The following KCNQ4 variants were observed in gnomAD, a reference collection of about 807,000 sequenced individuals.
KCNQ4 encodes potassium voltage-gated channel subfamily KQT member 4.
Under a neutral mutation model 72.6 loss-of-function variants are expected in KCNQ4, and 31 were observed. The ratio of observed to expected loss-of-function variants is 0.43; its 90% CI spans 0.32 to 0.58. The LOEUF (loss-of-function observed/expected upper bound fraction) is 0.58. KCNQ4 is among the 20% of genes least tolerant of loss of function. The pLI is 0.08. For missense variants in KCNQ4, 869 were observed against 962.6 expected, an observed-to-expected ratio of 0.90 and a Z score of 1.29; for synonymous variants, 405 against 403.7, an observed-to-expected ratio of 1.00 and a Z score of -0.04.
rs76172897 is a variant in KCNQ4, at chr1:40,794,727, T to C, written c.314+10320T>C. Among the ~76,000 whole-genome samples, 559 of 152,324 alleles carry C rather than the reference T, an allele frequency of 3.7e-3. 13 individuals are homozygous for C. In the East Asian group the frequency reaches 0.06, roughly 16 times the overall value. ...GAAATGATGGGCTGGGAAAAAAATGTCCTTGCTTGGCAAAATAAAAAGTTG... is the reference window on the plus strand; with the variant it reads ...GAAATGATGGGCTGGGAAAAAAATGCCCTTGCTTGGCAAAATAAAAAGTTG... On this transcript the variant is annotated intron_variant, in intron 1 of 13. Transcript: ENST00000347132. The surrounding 1 kb of genome is among the most constrained non-coding windows in gnomAD (Gnocchi z 4.2).
At chr1:40,831,391 G>A in intron 10 of KCNQ4, 87 bp downstream of exon 10, 2 of 1,132,974 alleles carry the variant, frequency 1.8e-6, no homozygotes, top group Non-Finnish European at 2.6e-6. Flanking sequence ...GAAAGATCTG[G>A]CTCGCGTCTC....
Position 40,839,560 on chromosome 1 carries a change from A to AC in KCNQ4, c.*1042dup, listed in dbSNP as rs1285901938. On this transcript the variant is annotated 3_prime_UTR_variant, in exon 14 of 14. Transcript: ENST00000347132. ...CAGGGTGACGACCACTAAGAGGAAG[A>AC]CCCCCAACTCCATCTGAGCAGGAGA... is the stretch of plus-strand genomic sequence containing the variant. The AC allele has an allele frequency of 6.6e-6, 1 of 151,990 alleles. No individual in the cohort carries two copies. Among genetic ancestry groups the AC allele is most frequent in the African/African-American group, 2.4e-5 (1 of 41,334 alleles). 9.4% of individuals were successfully genotyped at this position (151,990 alleles called of 1,614,324 possible).
intron 5 of KCNQ4, 89 bp downstream of exon 5, chr1:40,819,561 G>A: frequency 6.4e-7 from 1 of 1,550,744 alleles, no homozygotes; most frequent in East Asian, 2.2e-5. Flanking sequence ...TCCTGACTCA[G>A]GGTTGAGCGG....
In KCNQ4 at chr1:40,838,951, C is replaced by T. The variant is rs911748529; in HGVS notation, c.*428C>T. 7 of 273,684 alleles carry T rather than the reference C, an allele frequency of 2.6e-5. No homozygotes were observed. The highest frequency in any genetic ancestry group is 4.4e-5 in the African/African-American group (2 of 45,778). The allele number at this position is 273,684 out of a possible 1,614,324, so 17.0% of individuals were successfully genotyped here. A position where few individuals can be genotyped will look rare whatever the true frequency, so the allele number is the denominator to read the frequency against. On this transcript the variant is annotated 3_prime_UTR_variant, in exon 14 of 14. Transcript: ENST00000347132. ...CAGGGAAGCCCTCCCGCCAAGTCCC[C>T]GCCCCACTTGGGGGTGGGCCAAGGT...
At position 40,809,031 on chromosome 1, in the gene KCNQ4, C is replaced by A. The variant is rs1054590617; in HGVS notation, c.315-8234C>A. On this transcript the variant is annotated intron_variant, in intron 1 of 13. Transcript: ENST00000347132. ...GAGAAGGCTGCCCTTGCCAAGGGAC[C>A]CAGTGACCAATGTGTCACCAAATCC... is the stretch of plus-strand genomic sequence containing the variant. 1.5e-4 allele frequency among the ~76,000 whole-genome samples: 23 copies of A among 152,236 alleles called. No homozygotes were observed. The South Asian group carries it at 4.6e-3, about 30-fold the overall frequency.
intron 9 of KCNQ4, among the ~76,000 whole-genome samples, 161 bp from the exon 10 acceptor site, chr1:40,830,923 G>A (rs1215663324): frequency 2.0e-5 from 3 of 152,054 alleles, no homozygotes; most frequent in African/African-American, 7.2e-5. Context: ...AGGAGTGAGG[G>A]CCTCCCTTAC....
intron 1 of KCNQ4, among the ~76,000 whole-genome samples, chr1:40,809,341 A>C (rs1647857248): frequency 6.6e-6 from 1 of 152,122 alleles, no homozygotes; most frequent in Admixed American, 6.5e-5. Context: ...GATGTCCCCC[A>C]GATCTGCATT....
rs377755240 is a variant in KCNQ4 at position 40,820,157 on chromosome 1, C to T, written c.946-8C>T. ...GCACATTCCCCCAACCATGCCCTAT[C>T]CCTCTAGGGCATCCTAGGCTCCGGC... On this transcript the variant is annotated splice_region_variant and splice_polypyrimidine_tract_variant and intron_variant, in intron 6 of 13. Transcript: ENST00000347132. The T allele has an allele frequency of 7.2e-5, 115 of 1,597,556 alleles. No individual in the cohort carries two copies. Among genetic ancestry groups the T allele is most frequent in the Non-Finnish European group, 9.3e-5 (109 of 1,169,340 alleles).
chr1:40,784,823 G>A lies in KCNQ4; in HGVS notation c.314+416G>A, dbSNP rs956820012. Among the ~76,000 whole-genome samples the A allele has an allele frequency of 6.6e-6, 1 of 152,132 alleles. No individual in the cohort carries two copies. The highest frequency in any genetic ancestry group is 1.5e-5 in the Non-Finnish European group (1 of 68,028). The stretch of plus-strand genomic sequence containing the variant: ...AAAGAGGAACCCTTGGCTCCCACAC[G>A]CTTCTGTCACCTGCTCCCCAGCTCT... On this transcript the variant is annotated intron_variant, in intron 1 of 13. Coordinates refer to ENST00000347132, the MANE Select transcript of KCNQ4 (RefSeq NM_004700.4). This position sits in a 1 kb window ranked among gnomAD's most constrained non-coding sequence, Gnocchi z 4.1.
intron 1 of KCNQ4, among the ~76,000 whole-genome samples, chr1:40,790,771 T>C (rs1647265572): frequency 6.6e-6 from 1 of 152,322 alleles, no homozygotes; most frequent in African/African-American, 2.4e-5. Context: ...ACCATGCCTG[T>C]ACCCTGCCTG....
chr1:40,822,940 TG>T (rs1558019573), intron 8 of KCNQ4, among the ~76,000 whole-genome samples: 4 of 152,120 alleles, frequency 2.6e-5, no homozygotes, highest in Non-Finnish European at 4.4e-5. Flanking sequence ...TAAGACTGCA[TG>T]GGGGTGGCAC....
At chr1:40,789,123 C>T (rs1647234684) in intron 1 of KCNQ4, among the ~76,000 whole-genome samples, 2 of 152,296 alleles carry the variant, frequency 1.3e-5, no homozygotes, top group South Asian at 2.1e-4. Context: ...TGTGTAGCCA[C>T]CTTGGAGGGC....
intron 1 of KCNQ4, among the ~76,000 whole-genome samples, chr1:40,796,674 T>C (rs1265220431): frequency 1.3e-5 from 2 of 152,108 alleles, no homozygotes; most frequent in East Asian, 3.9e-4. Flanking sequence ...CCCAGCACTT[T>C]GGGAGGCAGA....
At chr1:40,819,608 CT>C in intron 5 of KCNQ4, 136 bp downstream of exon 5, 4 of 1,210,082 alleles carry the variant, frequency 3.3e-6, no homozygotes, top group Non-Finnish European at 4.7e-6. Context: ...TGGGACCCCC[CT>C]GAGACCAGCC....
intron 5 of KCNQ4, 79 bp from the exon 6 acceptor site, chr1:40,819,796 C>T: frequency 2.6e-6 from 3 of 1,169,886 alleles, no homozygotes; most frequent in Admixed American, 1.7e-5. Context: ...CATGATCAGG[C>T]TCCTACCTGC....
intron 1 of KCNQ4, among the ~76,000 whole-genome samples, chr1:40,802,851 G>A (rs189529261): frequency 1.8e-4 from 28 of 152,358 alleles, no homozygotes; most frequent in African/African-American, 6.5e-4. Context: ...CCATTAGAAA[G>A]ACGAAGAAAC....
At chr1:40,818,416 C>T in intron 3 of KCNQ4, 89 bp from the exon 4 acceptor site, 1 of 1,561,584 alleles carries the variant, frequency 6.4e-7, no homozygotes, top group African/African-American at 1.3e-5. Flanking sequence ...CCTCCCTCCC[C>T]AGTCCCCTGC....
In KCNQ4 at chr1:40,817,406, T is replaced by A; in HGVS notation, c.405+51T>A. On this transcript the variant is annotated intron_variant, in intron 2 of 13. Coordinates refer to ENST00000347132, the MANE Select transcript of KCNQ4 (RefSeq NM_004700.4). The surrounding 1 kb of genome is among the most constrained non-coding windows in gnomAD (Gnocchi z 5.5). Reference sequence around the variant, plus strand: ...GGGGGGCTGTGTGAGGTAGCACCTCTGGGCTGGGAGTCCGGGACTGAGGGG... The same window carrying A: ...GGGGGGCTGTGTGAGGTAGCACCTCAGGGCTGGGAGTCCGGGACTGAGGGG... 1 of 1,451,320 alleles carries A rather than the reference T, an allele frequency of 6.9e-7. No individual in the cohort carries two copies. Among genetic ancestry groups the A allele is most frequent in the Non-Finnish European group, 9.6e-7 (1 of 1,042,624 alleles). The allele number at this position is 1,451,320 out of a possible 1,614,324, so 89.9% of individuals were successfully genotyped here.
chr1:40,784,493 T>A lies in KCNQ4; in HGVS notation c.314+86T>A, dbSNP rs1647184583. The A allele has an allele frequency of 7.5e-7, 1 of 1,328,994 alleles. No individual in the cohort carries two copies. Among genetic ancestry groups the A allele is most frequent in the Non-Finnish European group, 1.1e-6 (1 of 939,504 alleles). 82.3% of individuals were successfully genotyped at this position (1,328,994 alleles called of 1,614,324 possible). ...CGGCCGCCCCGCCCTGGCTCCGCCTTCTACCCCCCTGCCTCAGGGCCGACC... is the reference window on the plus strand; with the variant it reads ...CGGCCGCCCCGCCCTGGCTCCGCCTACTACCCCCCTGCCTCAGGGCCGACC... On this transcript the variant is annotated intron_variant, in intron 1 of 13. Transcript: ENST00000347132. This position sits in a 1 kb window ranked among gnomAD's most constrained non-coding sequence, Gnocchi z 4.1.
Sources: gnomAD v4.1 joint callset for allele counts (sites outside exome capture counted in the v4.1 genomes callset) on GRCh38, gnomAD v4.1.1 for gene constraint, Gnocchi (gnomAD v3.1) non-coding constraint, MANE v1.5 for transcripts, NCBI Gene and HGNC (gene_info 2026-07-23, HGNC 2026-07-21) for gene names.